Variants in NINL observed in about 807,000 individuals in gnomAD.
NINL encodes ninein like.
NINL carries 153 observed loss-of-function variants against 160.3 expected under a neutral mutation model. The observed-to-expected ratio is 0.95, with a 90% confidence interval of 0.84 to 1.09. The LOEUF is 1.09. Ranked by LOEUF, NINL falls within the 50% of genes least tolerant of loss-of-function variation. The probability of loss-of-function intolerance (pLI) is 0.00; values close to 1 mark genes in which losing one functional copy is unlikely to be tolerated. For missense variants in NINL, 1,829 were observed against 1,764.0 expected (o/e 1.04, Z -0.66); for synonymous variants, 800 against 734.8 (o/e 1.09, Z -1.43).
At chr20:25,564,762 A>G (rs1201171969) in intron 1 of NINL, among the ~76,000 whole-genome samples, 1 of 151,502 alleles carries the variant, frequency 6.6e-6, no homozygotes, top group Non-Finnish European at 1.5e-5. Context: ...CTGTTCTAAC[A>G]TGTAAAGAGC....
At chr20:25,550,532 C>T (rs964866945) in intron 1 of NINL, among the ~76,000 whole-genome samples, 3 of 152,034 alleles carry the variant, frequency 2.0e-5, no homozygotes, top group African/African-American at 4.8e-5. Flanking sequence ...TGATCACTAT[C>T]TATACTATCT....
At chr20:25,555,020 C>T (rs1305510356) in intron 1 of NINL, among the ~76,000 whole-genome samples, 2 of 152,096 alleles carry the variant, frequency 1.3e-5, no homozygotes, top group East Asian at 3.9e-4. Context: ...AGAGAAATAG[C>T]CATCAGCACC....
At chr20:25,561,418 CA>C in intron 1 of NINL, among the ~76,000 whole-genome samples, 1 of 152,362 alleles carries the variant, frequency 6.6e-6, no homozygotes, top group East Asian at 1.9e-4. Flanking sequence ...CTTGGCCCCC[CA>C]AAGTGCCGAG....
intron 14 of NINL, among the ~76,000 whole-genome samples, chr20:25,481,586 A>C (rs768032216): frequency 1.2e-4 from 19 of 152,208 alleles, no homozygotes; most frequent in Non-Finnish European, 1.8e-4. Flanking sequence ...AGAAGCAGCA[A>C]GGGTAAGCCC....
In NINL at chr20:25,453,253, G is replaced by T; in HGVS notation, c.*198C>A. The T allele has an allele frequency of 2.1e-6, 1 of 466,464 alleles. No homozygotes were observed. The highest frequency in any genetic ancestry group is 3.7e-6 in the Non-Finnish European group (1 of 273,274). 28.9% of individuals were successfully genotyped at this position (466,464 alleles called of 1,614,324 possible). Reference sequence around the variant, plus strand: ...ACCGCTAATAAAAACGCCGGCTTCTGCAACATGCATATTCCCCCAGCCCCC... The same window carrying T: ...ACCGCTAATAAAAACGCCGGCTTCTTCAACATGCATATTCCCCCAGCCCCC... On this transcript the variant is annotated 3_prime_UTR_variant, in exon 24 of 24. Transcript: ENST00000278886.
At chr20:25,544,619 T>C (rs1403964850) in intron 1 of NINL, among the ~76,000 whole-genome samples, 1 of 152,184 alleles carries the variant, frequency 6.6e-6, no homozygotes, top group Non-Finnish European at 1.5e-5. Context: ...TTGTGAGAAG[T>C]CTGGCTGTTC....
intron 5 of NINL, chr20:25,509,546 T>C: frequency 4.9e-6 from 2 of 409,958 alleles, no homozygotes; most frequent in Admixed American, 5.9e-5. Flanking sequence ...CAAGCTGCTC[T>C]GAGAGGAGGG....
Position 25,482,105 on chromosome 20 carries a change from G to A in NINL, c.1678-5C>T. ...ATCGTTGCGGTCCTGCAGGTCCTGT[G>A]GGGACAGAGCCAGCCACCTCCTCTA... On this transcript the variant is annotated splice_region_variant and splice_polypyrimidine_tract_variant and intron_variant, in intron 13 of 23. Coordinates refer to ENST00000278886, the MANE Select transcript of NINL (RefSeq NM_025176.6). 4 of 1,594,522 alleles carry A rather than the reference G, an allele frequency of 2.5e-6. No homozygotes were observed. The highest frequency in any genetic ancestry group is 3.4e-6 in the Non-Finnish European group (4 of 1,177,460).
chr20:25,471,845 G>C (rs1220097757), intron 17 of NINL, among the ~76,000 whole-genome samples: 2 of 152,086 alleles, frequency 1.3e-5, no homozygotes, highest in Admixed American at 1.3e-4. Flanking sequence ...TATTCCCAGA[G>C]ATTAACATCA....
At chr20:25,532,069 T>C (rs2064474608) in intron 1 of NINL, among the ~76,000 whole-genome samples, 1 of 150,868 alleles carries the variant, frequency 6.6e-6, no homozygotes, top group Admixed American at 6.6e-5. Flanking sequence ...TGGCCAGGCC[T>C]GGCCCACGAC....
At position 25,454,049 on chromosome 20, in the gene NINL, C is replaced by A. The variant is rs140380231; in HGVS notation, c.3958-407G>T. ...CCAGCCTAGGCGACAGAGCAAGACT[C>A]TGTCTCCAAAAAAAAAAGAAATCTG... On this transcript the variant is annotated intron_variant, in intron 23 of 23. Transcript: ENST00000278886. 7.1e-3 allele frequency among the ~76,000 whole-genome samples: 1,085 copies of A among 151,900 alleles called. 15 individuals are homozygous for A. Among genetic ancestry groups the A allele is most frequent in the African/African-American group, 0.025 (1,024 of 41,392 alleles).
At chr20:25,552,666 C>G (rs893095411) in intron 1 of NINL, among the ~76,000 whole-genome samples, 2 of 152,186 alleles carry the variant, frequency 1.3e-5, no homozygotes, top group Non-Finnish European at 2.9e-5. Context: ...TCAACTCAGT[C>G]AGGTCTAGAC....
chr20:25,560,972 C>T, intron 1 of NINL, among the ~76,000 whole-genome samples: 1 of 151,718 alleles, frequency 6.6e-6, no homozygotes, highest in South Asian at 2.1e-4. Context: ...CCCTCTCCCT[C>T]TCCCTCTCTC....
chr20:25,499,821 A>T (rs1012894687), intron 8 of NINL, among the ~76,000 whole-genome samples: 6 of 151,980 alleles, frequency 3.9e-5, no homozygotes, highest in African/African-American at 1.5e-4. Flanking sequence ...TCAGGAGTCC[A>T]GCCTCAGAGA....
At chr20:25,556,793 T>TATCATGC (rs1347129945) in intron 1 of NINL, among the ~76,000 whole-genome samples, 1 of 152,204 alleles carries the variant, frequency 6.6e-6, no homozygotes. Context: ...TGAGACTCTG[T>TATCATGC]ATCATGCATG....
At chr20:25,468,738 G>T (rs1464389177) in intron 18 of NINL, among the ~76,000 whole-genome samples, 2 of 129,358 alleles carry the variant, frequency 1.5e-5, no homozygotes, top group Non-Finnish European at 3.2e-5. Context: ...ACTGGTAGGC[G>T]CCCCCCTGCC....
intron 18 of NINL, among the ~76,000 whole-genome samples, chr20:25,468,702 CCT>C (rs2062991617): frequency 7.9e-6 from 1 of 127,212 alleles, no homozygotes; most frequent in African/African-American, 3.0e-5. Flanking sequence ...CTGGTGGGCG[CCT>C]CTCTGCCCTG....
intron 23 of NINL, among the ~76,000 whole-genome samples, chr20:25,454,733 C>T (rs1012444986): frequency 6.6e-6 from 1 of 152,156 alleles, no homozygotes; most frequent in Non-Finnish European, 1.5e-5. Flanking sequence ...TCCACCCACA[C>T]CCTGTGCCAT....
At chr20:25,504,219 C>T (rs959221198) in intron 6 of NINL, 115 bp from the exon 7 acceptor site, 2 of 1,102,926 alleles carry the variant, frequency 1.8e-6, no homozygotes, top group Middle Eastern at 3.1e-4. Flanking sequence ...AGGGCCGTTT[C>T]CTAGTCTTAT....
Sources: gnomAD v4.1 joint callset for allele counts (sites outside exome capture counted in the v4.1 genomes callset) on GRCh38, gnomAD v4.1.1 for gene constraint, MANE v1.5 for transcripts, NCBI Gene and HGNC (gene_info 2026-07-23, HGNC 2026-07-21) for gene names.